The following ZC3H13 variants were observed in gnomAD, a reference collection of about 807,000 sequenced individuals.
ZC3H13 encodes zinc finger CCCH-type containing 13.
A neutral mutation model predicts 204.1 loss-of-function variants in ZC3H13; 64 were observed. The ratio of observed to expected loss-of-function variants is 0.31; its 90% confidence interval spans 0.26 to 0.39. The LOEUF is 0.39. ZC3H13 is among the 10% of genes least tolerant of loss of function. The pLI, the probability that ZC3H13 is intolerant of heterozygous loss-of-function variation, is 1.00. For missense variants in ZC3H13, 1,833 were observed against 2,082.7 expected (o/e 0.88, Z 2.33); for synonymous variants, 667 against 693.7 (o/e 0.96, Z 0.60).
At chr13:45,962,102 T>C (rs750792320) in intron 17 of ZC3H13, 21 of 895,512 alleles carry the variant, frequency 2.3e-5, no homozygotes, top group Non-Finnish European at 2.7e-5. Context: ...AAATATTTAC[T>C]GAAAACCTAC....
Position 45,988,965 on chromosome 13 carries a change from A to G in ZC3H13, c.1077T>C (p.Tyr359=), listed in dbSNP as rs1302295693. 3.1e-6 allele frequency: 5 copies of G among 1,613,880 alleles called. No individual in the cohort carries two copies. Among genetic ancestry groups the G allele is most frequent in the Middle Eastern group, 1.6e-4 (1 of 6,062 alleles). ...GTAAAGGTGGAGTTAGTGTCCGCTG[A>G]TAAGATGGTGAAGGAGTTCTTTTTC... ...PRRKRTPSPS[Y]QRTLTPPLRR... The change falls in exon 9 of 19, where the codon TAT becomes TAC. Residue 359 remains tyrosine (Y), a synonymous_variant. Transcript: ENST00000679008.
Position 45,965,309 on chromosome 13 carries a change from T to A in ZC3H13, c.4445A>T (p.Glu1482Val). The change falls in exon 16 of 19, where the codon GAG becomes GTG. Residue 1482 changes from glutamate to valine, a missense_variant. By Grantham distance (121) the Glu-to-Val change is moderately radical. Around this residue, in one of 5 missense-constraint regions of ZC3H13, gnomAD observed 211 missense variants for 228.4 expected, o/e 0.92. Coordinates refer to ENST00000679008, the MANE Select transcript of ZC3H13 (RefSeq NM_001330564.2). ...CATCTTCTCCTCATCCTGTTGGTCCTCCCTCTTTTCTGCATCACCTGCCAG... is the reference window on the plus strand; with the variant it reads ...CATCTTCTCCTCATCCTGTTGGTCCACCCTCTTTTCTGCATCACCTGCCAG... ...EILAGDAEKR[E>V]DQQDEEKMPD... 4 of 1,613,600 alleles carry A rather than the reference T, an allele frequency of 2.5e-6. No homozygotes were observed. The highest frequency in any genetic ancestry group is 3.4e-6 in the Non-Finnish European group (4 of 1,179,684).
chr13:45,965,476 G>T (rs750764055), intron 15 of ZC3H13, 44 bp from the exon 16 acceptor site: 4 of 1,599,054 alleles, frequency 2.5e-6, no homozygotes, highest in Non-Finnish European at 3.4e-6. Context: ...ACATTAAAGG[G>T]AGAGGATGAC....
At chr13:45,982,460 AG>A (rs1193838061) in intron 10 of ZC3H13, among the ~76,000 whole-genome samples, 1 of 152,180 alleles carries the variant, frequency 6.6e-6, no homozygotes, top group Middle Eastern at 3.2e-3. Flanking sequence ...AGATACAATG[AG>A]GAGATTTAAT....
chr13:46,015,403 C>T (rs1448310308), intron 5 of ZC3H13, among the ~76,000 whole-genome samples: 1 of 152,054 alleles, frequency 6.6e-6, no homozygotes, highest in African/African-American at 2.4e-5. Context: ...AATGCTTACA[C>T]GTTACACATG....
intron 2 of ZC3H13, 83 bp downstream of exon 2, chr13:46,045,308 C>A: frequency 8.1e-7 from 1 of 1,236,852 alleles, no homozygotes; most frequent in Non-Finnish European, 1.2e-6. Flanking sequence ...AATAAAACAA[C>A]CTGTTCACCT....
chr13:46,037,696 G>A (rs2043299756), intron 4 of ZC3H13, among the ~76,000 whole-genome samples: 1 of 151,922 alleles, frequency 6.6e-6, no homozygotes, highest in African/African-American at 2.4e-5. Context: ...ACCTAGACCA[G>A]CCCTTTCCAA....
intron 11 of ZC3H13, among the ~76,000 whole-genome samples, chr13:45,979,304 T>C (rs192873461): frequency 1.8e-4 from 27 of 152,214 alleles, no homozygotes; most frequent in Middle Eastern, 6.8e-3. Flanking sequence ...AACGTAAAAT[T>C]AGCTAAAGCA....
At position 45,959,642 on chromosome 13, in the gene ZC3H13, TGCATCTTTC is replaced by T; in HGVS notation, c.4676-5_4679del. The T allele has an allele frequency of 6.6e-7, 1 of 1,514,066 alleles. No homozygotes were observed. The highest frequency in any genetic ancestry group is 1.4e-5 in the African/African-American group (1 of 70,738). 93.8% of individuals were successfully genotyped at this position (1,514,066 alleles called of 1,614,324 possible). On this transcript the variant is annotated splice_acceptor_variant and splice_polypyrimidine_tract_variant and coding_sequence_variant and intron_variant, in exon 18 of 19. Transcript: ENST00000679008. LOFTEE classifies it high-confidence loss of function. ...CCAATTCATGTTCAAAGAGATTGTC[TGCATCTTTC>T]AAAAAAAAGTAAACATGCATTAAGT...
chr13:45,969,231 G>T lies in ZC3H13; in HGVS notation c.3313C>A (p.Pro1105Thr). ...GTAGCAGTGGCAGTAGCCACAGGCG[G>T]TGGAGGAGGAAGAAGAGAAGATAGA... ...SPLSSLLPPP[P>T]PVATATATTV... Residue 1105 changes from proline (P) to threonine (T), a missense_variant, in exon 14 of 19, where the codon CCG becomes ACG. Pro to Thr is a conservative substitution (Grantham distance 38). Coordinates refer to ENST00000679008, the MANE Select transcript of ZC3H13 (RefSeq NM_001330564.2). 6.2e-7 allele frequency: 1 copy of T among 1,614,112 alleles called. No homozygotes were observed. Among genetic ancestry groups the T allele is most frequent in the Non-Finnish European group, 8.5e-7 (1 of 1,179,998 alleles).
chr13:45,973,478 C>T (rs1952758157), intron 12 of ZC3H13, among the ~76,000 whole-genome samples: 1 of 152,092 alleles, frequency 6.6e-6, no homozygotes, highest in African/African-American at 2.4e-5. Context: ...ATATCAGAAG[C>T]ATGAAAAAAA....
At chr13:45,965,997 ATCT>A (rs1952050402) in intron 15 of ZC3H13, among the ~76,000 whole-genome samples, 1 of 152,172 alleles carries the variant, frequency 6.6e-6, no homozygotes, top group African/African-American at 2.4e-5. Context: ...TATCTCAATG[ATCT>A]TCTTGCATTG....
At chr13:46,003,916 A>G (rs1425393193) in intron 7 of ZC3H13, among the ~76,000 whole-genome samples, 1 of 152,226 alleles carries the variant, frequency 6.6e-6, no homozygotes, top group Non-Finnish European at 1.5e-5. Context: ...GAAAAGCTTC[A>G]TGACATTGGA....
At chr13:45,964,700 A>T (rs193017693) in intron 16 of ZC3H13, among the ~76,000 whole-genome samples, 149 of 152,318 alleles carry the variant, frequency 9.8e-4, no homozygotes, top group African/African-American at 3.3e-3. Context: ...ACTGTGATTT[A>T]AAAAAGTTGT....
At chr13:46,051,176 G>T (rs767220858) in intron 1 of ZC3H13, among the ~76,000 whole-genome samples, 1 of 152,076 alleles carries the variant, frequency 6.6e-6, no homozygotes, top group Non-Finnish European at 1.5e-5. Context: ...CCACTTGCTG[G>T]ATTTTTAGTA....
At chr13:45,990,825 G>A (rs1364034039) in intron 8 of ZC3H13, among the ~76,000 whole-genome samples, 1 of 151,888 alleles carries the variant, frequency 6.6e-6, no homozygotes, top group African/African-American at 2.4e-5. Context: ...ATGGGCGGGG[G>A]GACAAGGTCT....
At chr13:45,994,961 C>T (rs971074506) in intron 8 of ZC3H13, among the ~76,000 whole-genome samples, 1 of 151,204 alleles carries the variant, frequency 6.6e-6, no homozygotes, top group Non-Finnish European at 1.5e-5. Flanking sequence ...CCTGGAAGTC[C>T]CATCTAGTCA....
At chr13:45,962,098 T>TTATGAAATAATTGA in intron 17 of ZC3H13, 1 of 856,346 alleles carries the variant, frequency 1.2e-6, no homozygotes, top group Non-Finnish European at 1.4e-6. Flanking sequence ...TCATAAATAT[T>TTATGAAATAATTGA]TACTGAAAAC....
chr13:45,979,090 T>C (rs1407928725), intron 11 of ZC3H13, among the ~76,000 whole-genome samples: 1 of 152,118 alleles, frequency 6.6e-6, no homozygotes, highest in Non-Finnish European at 1.5e-5. Context: ...CTCAGCATTA[T>C]AGTGAACCTT....
Sources: allele counts gnomAD v4.1 joint callset (sites outside exome capture counted in the v4.1 genomes callset), GRCh38; gene constraint gnomAD v4.1.1; regional missense constraint gnomAD v4.1.1; transcripts MANE v1.5; gene names NCBI Gene and HGNC (gene_info 2026-07-23, HGNC 2026-07-21).